The following STAG1 variants were observed in gnomAD, a reference collection of about 807,000 sequenced individuals.
STAG1 encodes the protein STAG1 cohesin complex component.
Under a neutral mutation model 170.9 loss-of-function variants are expected in STAG1, and 26 were observed. The ratio of observed to expected loss-of-function variants is 0.15; its 90% CI spans 0.11 to 0.21. The LOEUF (loss-of-function observed/expected upper bound fraction) is 0.21, where lower values mean the gene tolerates loss of function less well. Ranked by LOEUF, STAG1 falls within the 10% of genes least tolerant of loss-of-function variation. STAG1 has a pLI of 1.00. For synonymous variants in STAG1, 514 were observed against 497.7 expected (o/e 1.03, Z -0.44); for missense variants, 964 against 1,509.5 (o/e 0.64, Z 5.99).
intron 1 of STAG1, chr3:136,737,323 C>CCAACT (rs905921536): frequency 1.3e-5 from 5 of 390,948 alleles, no homozygotes; most frequent in Admixed American, 1.1e-4. Flanking sequence ...AGGCTGGTCT[C>CCAACT]CAACTCCTGA....
intron 1 of STAG1, among the ~76,000 whole-genome samples, chr3:136,645,383 A>G (rs990568508): frequency 3.9e-5 from 6 of 152,100 alleles, no homozygotes; most frequent in Non-Finnish European, 8.8e-5. Context: ...TCCATGCTCT[A>G]TTCTAGGTTA....
At chr3:136,746,570 G>C (rs1934944608) in intron 1 of STAG1, among the ~76,000 whole-genome samples, 1 of 152,068 alleles carries the variant, frequency 6.6e-6, no homozygotes, top group Non-Finnish European at 1.5e-5. Context: ...TTTGCTTCTT[G>C]GACTGCTAAA....
intron 1 of STAG1, among the ~76,000 whole-genome samples, chr3:136,725,653 T>C (rs927009105): frequency 1.3e-5 from 2 of 152,184 alleles, no homozygotes; most frequent in Non-Finnish European, 2.9e-5. Flanking sequence ...CAGCCTATCA[T>C]ATGCCACGCA....
intron 21 of STAG1, among the ~76,000 whole-genome samples, chr3:136,399,507 TTTTCA>T (rs2087257430): frequency 6.6e-6 from 1 of 152,210 alleles, no homozygotes; most frequent in Non-Finnish European, 1.5e-5. Flanking sequence ...AGTCTGACTT[TTTTCA>T]TTTAACATTT....
chr3:136,347,168 GT>G (rs1413713400), intron 29 of STAG1, among the ~76,000 whole-genome samples: 10 of 150,952 alleles, frequency 6.6e-5, no homozygotes, highest in Admixed American at 3.3e-4. Flanking sequence ...GCCAAGGTGG[GT>G]GGACCTACTT....
chr3:136,735,063 G>C (rs1271328852), intron 1 of STAG1, among the ~76,000 whole-genome samples: 4 of 151,930 alleles, frequency 2.6e-5, no homozygotes, highest in Non-Finnish European at 4.4e-5. Flanking sequence ...CAGTTTCCAT[G>C]GTGGGGCAGC....
intron 21 of STAG1, among the ~76,000 whole-genome samples, chr3:136,403,224 TAAAAAAAAAAAAAAAAA>T (rs55678408): frequency 8.9e-5 from 3 of 33,600 alleles, no homozygotes; most frequent in African/African-American, 1.5e-4. Flanking sequence ...GAGACTGTCT[TAAAAAAAAAAAAAAAAA>T]AAAAAAAAAA....
intron 25 of STAG1, 103 bp downstream of exon 25, chr3:136,366,840 C>T: frequency 1.1e-6 from 1 of 896,152 alleles, no homozygotes; most frequent in Non-Finnish European, 1.7e-6. Flanking sequence ...ATCCACATTA[C>T]ATAGGTGAAA....
intron 23 of STAG1, among the ~76,000 whole-genome samples, chr3:136,375,771 C>T (rs1008484659): frequency 6.6e-6 from 1 of 151,376 alleles, no homozygotes; most frequent in Non-Finnish European, 1.5e-5. Flanking sequence ...GAGTTTGAGA[C>T]CAGCCTGGCC....
intron 9 of STAG1, among the ~76,000 whole-genome samples, chr3:136,479,428 T>C (rs1294112893): frequency 4.6e-5 from 5 of 109,848 alleles, no homozygotes; most frequent in Non-Finnish European, 9.6e-5. Context: ...TATGGCTGCA[T>C]AGTATTCCAT....
chr3:136,464,915 C>G lies in STAG1; in HGVS notation c.1279G>C (p.Val427Leu), dbSNP rs1231019385. The G allele has an allele frequency of 1.9e-6, 3 of 1,612,598 alleles. No individual in the cohort carries two copies. Among genetic ancestry groups the G allele is most frequent in the East Asian group, 2.2e-5 (1 of 44,844 alleles). Reference sequence around the variant, plus strand: ...AGGAACTCTCCAGCTGCCACAGCAACAGGGCGATGTGCCGAGTACACCAAG... The same window carrying G: ...AGGAACTCTCCAGCTGCCACAGCAAGAGGGCGATGTGCCGAGTACACCAAG... Reference protein sequence around the residue: ...YHLVYSAHRPVAVAAGEFLHK... With the variant: ...YHLVYSAHRPLAVAAGEFLHK... Residue 427 changes from valine to leucine, a missense_variant, in exon 13 of 34, where the codon GTT (valine) becomes CTT (leucine). Coordinates refer to ENST00000383202, the MANE Select transcript of STAG1 (RefSeq NM_005862.3).
intron 1 of STAG1, among the ~76,000 whole-genome samples, chr3:136,743,053 C>T (rs1327720380): frequency 2.0e-5 from 3 of 152,090 alleles, no homozygotes; most frequent in Admixed American, 6.6e-5. Flanking sequence ...ACCGATAAAT[C>T]ACTAGACTGG....
At chr3:136,730,433 A>G (rs1245984480) in intron 1 of STAG1, among the ~76,000 whole-genome samples, 1 of 152,194 alleles carries the variant, frequency 6.6e-6, no homozygotes, top group African/African-American at 2.4e-5. Context: ...ACCACTTTCC[A>G]GCTATGTAAC....
At chr3:136,626,983 T>C (rs1940130697) in intron 2 of STAG1, among the ~76,000 whole-genome samples, 1 of 152,232 alleles carries the variant, frequency 6.6e-6, no homozygotes, top group South Asian at 2.1e-4. Context: ...CTCCAAGTGC[T>C]TTTGATGCTT....
chr3:136,486,999 CAAAAAAAAAAAAAAAAAAA>C (rs536392595), intron 9 of STAG1, among the ~76,000 whole-genome samples: 5 of 54,662 alleles, frequency 9.1e-5, no homozygotes, highest in South Asian at 8.1e-4. Flanking sequence ...TTTATTTCTT[CAAAAAAAAAAAAAAAAAAA>C]AAAAAAAAAA....
intron 20 of STAG1, 144 bp from the exon 21 acceptor site, chr3:136,418,116 G>C (rs1343378062): frequency 1.6e-6 from 1 of 629,030 alleles, no homozygotes; most frequent in Non-Finnish European, 2.7e-6. Context: ...CACTCTGGAA[G>C]GCCGCGGCTG....
intron 5 of STAG1, among the ~76,000 whole-genome samples, chr3:136,551,225 G>C (rs1304722239): frequency 7.7e-6 from 1 of 129,228 alleles, no homozygotes; most frequent in Non-Finnish European, 1.7e-5. Context: ...GAGAGAGAGA[G>C]AGAGAGAGAG....
At chr3:136,522,185 TTGTCCTTTC>T (rs1934713102) in intron 6 of STAG1, among the ~76,000 whole-genome samples, 1 of 152,216 alleles carries the variant, frequency 6.6e-6, no homozygotes, top group African/African-American at 2.4e-5. Context: ...GTGTAGCTTT[TTGTCCTTTC>T]TAGAACAAAG....
At chr3:136,436,531 G>A (rs949338096) in intron 15 of STAG1, among the ~76,000 whole-genome samples, 16 of 151,954 alleles carry the variant, frequency 1.1e-4, no homozygotes, top group African/African-American at 2.9e-4. Context: ...ATCCACCCAC[G>A]TCGGCCTCCC....
Sources: allele counts gnomAD v4.1 joint callset (sites outside exome capture counted in the v4.1 genomes callset), GRCh38; gene constraint gnomAD v4.1.1; transcripts MANE v1.5; gene names NCBI Gene and HGNC (gene_info 2026-07-23, HGNC 2026-07-21).